The following TGFBI variants were observed in gnomAD, a reference collection of about 807,000 sequenced individuals.
The protein encoded by TGFBI is transforming growth factor beta induced.
In TGFBI, 50 loss-of-function variants were observed where a neutral mutation model predicts 73.7. That is an observed-to-expected ratio of 0.68 (90% CI 0.54 to 0.86). TGFBI has a LOEUF of 0.86. Ranked by LOEUF, TGFBI falls within the 40% of genes least tolerant of loss-of-function variation. TGFBI has a pLI of 0.00. For synonymous variants in TGFBI, 362 were observed against 360.5 expected (o/e 1.00, Z -0.05); for missense variants, 839 against 877.0 (o/e 0.96, Z 0.55).
intron 5 of TGFBI, 25 bp downstream of exon 5, chr5:136,047,040 A>G (rs201320457): frequency 1.2e-6 from 2 of 1,607,922 alleles, no homozygotes; most frequent in East Asian, 4.5e-5. Flanking sequence ...GCCATACTGC[A>G]TGGCCCTTGG....
At chr5:136,051,119 A>G (rs1310867407) in intron 7 of TGFBI, among the ~76,000 whole-genome samples, 1 of 152,194 alleles carries the variant, frequency 6.6e-6, no homozygotes, top group Non-Finnish European at 1.5e-5. Context: ...TGCACAGAGC[A>G]CATTCTTTGC....
In TGFBI at chr5:136,063,343, C is replaced by A; in HGVS notation, c.*117C>A. 2.2e-6 allele frequency: 2 copies of A among 909,100 alleles called. No homozygotes were observed. Among genetic ancestry groups the A allele is most frequent in the Non-Finnish European group, 3.5e-6 (2 of 567,844 alleles). 56.3% of individuals were successfully genotyped at this position (909,100 alleles called of 1,614,324 possible). On this transcript the variant is annotated 3_prime_UTR_variant, in exon 17 of 17. Coordinates refer to ENST00000442011, the MANE Select transcript of TGFBI (RefSeq NM_000358.3). The stretch of plus-strand genomic sequence containing the variant: ...AGTATCACACTTTAATGTACATGGG[C>A]CGCACCATAATGAGATGTGAGCCTT...
At position 136,044,227 on chromosome 5, in the gene TGFBI, C is replaced by CA; in HGVS notation, c.298+106dup. 13 of 961,454 alleles carry CA rather than the reference C, an allele frequency of 1.4e-5. No homozygotes were observed. The South Asian group carries it at 1.6e-4, about 12-fold the overall frequency. 59.6% of individuals were successfully genotyped at this position (961,454 alleles called of 1,614,324 possible). A position where few individuals can be genotyped will look rare whatever the true frequency, so the allele number is the denominator to read the frequency against. ...AGCAGAGTGTGAATGGGGGCAGTGG[C>CA]ACAAGGACATGGCATTCTCCCCACG... On this transcript the variant is annotated intron_variant, in intron 3 of 16. Transcript: ENST00000442011.
At chr5:136,037,492 C>G (rs531645501) in intron 2 of TGFBI, among the ~76,000 whole-genome samples, 1 of 152,198 alleles carries the variant, frequency 6.6e-6, no homozygotes, top group East Asian at 1.9e-4. Context: ...GGAGAGGAGG[C>G]CTATTTAACA....
At chr5:136,050,367 A>G (rs1418785021) in intron 7 of TGFBI, among the ~76,000 whole-genome samples, 1 of 151,768 alleles carries the variant, frequency 6.6e-6, no homozygotes, top group Non-Finnish European at 1.5e-5. Flanking sequence ...ATAGTAGTCA[A>G]CTTTTGACTC....
At chr5:136,045,164 T>G (rs1488705999) in intron 3 of TGFBI, among the ~76,000 whole-genome samples, 1 of 152,140 alleles carries the variant, frequency 6.6e-6, no homozygotes, top group African/African-American at 2.4e-5. Context: ...TCCAGCACTT[T>G]GGGAGGCCAA....
At chr5:136,044,436 G>A (rs1388671247) in intron 3 of TGFBI, among the ~76,000 whole-genome samples, 4 of 152,366 alleles carry the variant, frequency 2.6e-5, no homozygotes, top group African/African-American at 2.4e-5. Context: ...GCCTCTGGCT[G>A]GGAGTGATTC....
intron 2 of TGFBI, 23 bp downstream of exon 2, chr5:136,033,884 G>A (rs758700042): frequency 3.1e-6 from 5 of 1,599,800 alleles, no homozygotes; most frequent in Non-Finnish European, 4.3e-6. Context: ...AACCAGCCAG[G>A]AGACCAAGCT....
At chr5:136,055,491 T>C in intron 10 of TGFBI, 189 bp from the exon 11 acceptor site, 1 of 502,428 alleles carries the variant, frequency 2.0e-6, no homozygotes, top group Non-Finnish European at 3.2e-6. Context: ...GTTCTTTCCT[T>C]AAGGAAGACC....
At chr5:136,036,612 C>T (rs573058001) in intron 2 of TGFBI, among the ~76,000 whole-genome samples, 2 of 152,080 alleles carry the variant, frequency 1.3e-5, no homozygotes, top group Admixed American at 6.5e-5. Context: ...GACCACCATA[C>T]GGTCAGAATT....
chr5:136,032,579 TA>T (rs1173118344), intron 1 of TGFBI, among the ~76,000 whole-genome samples: 14 of 152,224 alleles, frequency 9.2e-5, no homozygotes, highest in African/African-American at 3.4e-4. Context: ...AAATTGATGT[TA>T]AAGAAATACT....
intron 11 of TGFBI, chr5:136,056,338 C>T (rs1051295474): frequency 2.8e-5 from 8 of 290,676 alleles, no homozygotes; most frequent in Non-Finnish European, 3.9e-5. Context: ...ACCCCTCTGC[C>T]CTCCCAGAAT....
rs1246336931 is a variant in TGFBI at position 136,056,691 on chromosome 5, C to T, written c.1574C>T (p.Ala525Val). Residue 525 changes from alanine (A) to valine (V), a missense_variant, in exon 12 of 17, where the codon GCA becomes GTA. Coordinates refer to ENST00000442011, the MANE Select transcript of TGFBI (RefSeq NM_000358.3). ...FSMLVAAIQSAGLTETLNREG... is the reference protein window; with the variant it reads ...FSMLVAAIQSVGLTETLNREG... ...ATGCTGGTAGCTGCCATCCAGTCTG[C>T]AGGACTGACGGAGACCCTCAACCGG... 1 of 1,613,848 alleles carries T rather than the reference C, an allele frequency of 6.2e-7. No individual in the cohort carries two copies. Among genetic ancestry groups the T allele is most frequent in the Non-Finnish European group, 8.5e-7 (1 of 1,179,892 alleles).
chr5:136,033,601 ACCAAAGTCTAAAC>A (rs1265403737), intron 1 of TGFBI, among the ~76,000 whole-genome samples, 149 bp from the exon 2 acceptor site: 8 of 152,188 alleles, frequency 5.3e-5, no homozygotes, highest in African/African-American at 1.9e-4. Context: ...GGTAAACAGA[ACCAAAGTCTAAAC>A]CCAAGATATC....
rs770449173 is a variant in TGFBI at position 136,046,312 on chromosome 5, C to T, written c.299-23C>T. ...GGCTGGACCCCCAGAGGCCATCCCT[C>T]CTTCTGTCTTCTGCTCCTGCAGCCC... On this transcript the variant is annotated intron_variant, in intron 3 of 16. Coordinates refer to ENST00000442011, the MANE Select transcript of TGFBI (RefSeq NM_000358.3). 4.3e-6 allele frequency: 7 copies of T among 1,613,758 alleles called. No homozygotes were observed. In the Admixed American group the frequency reaches 1.2e-4, roughly 27 times the overall value.
chr5:136,061,646 A>G, intron 15 of TGFBI, 67 bp downstream of exon 15: 1 of 1,316,920 alleles, frequency 7.6e-7, no homozygotes, highest in Non-Finnish European at 1.1e-6. Context: ...GCCATAGAGG[A>G]GCCTCTCCAG....
At chr5:136,050,528 C>A (rs1227457956) in intron 7 of TGFBI, among the ~76,000 whole-genome samples, 2 of 152,130 alleles carry the variant, frequency 1.3e-5, no homozygotes, top group Admixed American at 6.5e-5. Flanking sequence ...CTTCCCCCTA[C>A]CCTGCCCCTT....
intron 4 of TGFBI, 150 bp downstream of exon 4, chr5:136,046,645 A>T (rs1432618412): frequency 8.0e-7 from 1 of 1,254,898 alleles, no homozygotes; most frequent in Admixed American, 2.8e-5. Context: ...GTGGAACTTG[A>T]GCTAAAATAT....
At chr5:136,040,163 T>C (rs1751304538) in intron 2 of TGFBI, among the ~76,000 whole-genome samples, 1 of 152,226 alleles carries the variant, frequency 6.6e-6, no homozygotes, top group African/African-American at 2.4e-5. Context: ...CTTCTCTCTA[T>C]CCAATCTTGA....
Sources: gnomAD v4.1 joint callset for allele counts (sites outside exome capture counted in the v4.1 genomes callset) on GRCh38, gnomAD v4.1.1 for gene constraint, MANE v1.5 for transcripts, NCBI Gene and HGNC (gene_info 2026-07-23, HGNC 2026-07-21) for gene names.